IFT43: variants seen among roughly 807,000 people sequenced by gnomAD.
IFT43 encodes the protein intraflagellar transport 43.
IFT43 carries 33 observed loss-of-function variants against 32.3 expected under a neutral mutation model. That is an observed-to-expected ratio of 1.02 (90% CI 0.77 to 1.37). The LOEUF (loss-of-function observed/expected upper bound fraction) is 1.37. IFT43 is among the 40% of genes most tolerant of loss of function. The pLI is 0.00. For synonymous variants in IFT43, 93 were observed against 98.2 expected (o/e 0.95, Z 0.31); for missense variants, 274 against 265.9 (o/e 1.03, Z -0.21).
intron 3 of IFT43, among the ~76,000 whole-genome samples, chr14:76,032,350 T>C (rs1003875491): frequency 2.0e-5 from 3 of 152,214 alleles, no homozygotes; most frequent in African/African-American, 2.4e-5. Flanking sequence ...AGTGACTCTT[T>C]TAAAACATCA....
intron 3 of IFT43, among the ~76,000 whole-genome samples, chr14:76,034,955 A>G (rs1460074938): frequency 1.3e-5 from 2 of 152,370 alleles, no homozygotes; most frequent in South Asian, 2.1e-4. Context: ...GAGAAAGCCA[A>G]CTTGGTAAAG....
intron 5 of IFT43, 151 bp downstream of exon 5, chr14:76,059,524 T>G: frequency 1.3e-6 from 1 of 741,560 alleles, no homozygotes; most frequent in African/African-American, 1.7e-5. Flanking sequence ...CATGCCTTGC[T>G]GAATGCTGCC....
chr14:76,079,929 GA>G (rs922814586), intron 5 of IFT43, among the ~76,000 whole-genome samples: 27 of 151,934 alleles, frequency 1.8e-4, no homozygotes, highest in South Asian at 6.2e-4. Context: ...GTATACGTGA[GA>G]GTGGGGGAGT....
chr14:76,074,375 C>T (rs1404826323), intron 5 of IFT43, among the ~76,000 whole-genome samples: 2 of 152,156 alleles, frequency 1.3e-5, no homozygotes, highest in Non-Finnish European at 1.5e-5. Flanking sequence ...AAGCTGGGAC[C>T]TCCACGAGGC....
intron 2 of IFT43, among the ~76,000 whole-genome samples, chr14:76,003,736 A>T (rs889646536): frequency 6.6e-6 from 1 of 152,086 alleles, no homozygotes; most frequent in African/African-American, 2.4e-5. Context: ...ATATTTTAAA[A>T]CTATTTATAT....
At position 76,060,033 on chromosome 14, in the gene IFT43, A is replaced by G. The variant is rs78212763; in HGVS notation, c.295+660A>G. On this transcript the variant is annotated intron_variant, in intron 5 of 8. Coordinates refer to ENST00000314067, the MANE Select transcript of IFT43 (RefSeq NM_001102564.3). The stretch of plus-strand genomic sequence containing the variant: ...TCTTTGCATCTCCAGTGTGTGACGC[A>G]TAGTAGTTAGTTAATGGCTAGCTAT... Among the ~76,000 whole-genome samples the G allele has an allele frequency of 6.8e-4, 104 of 152,294 alleles. 2 individuals are homozygous for G. In the East Asian group the frequency reaches 0.015, roughly 21 times the overall value.
At chr14:76,021,046 G>A (rs1012643073) in intron 2 of IFT43, among the ~76,000 whole-genome samples, 3 of 152,032 alleles carry the variant, frequency 2.0e-5, no homozygotes, top group African/African-American at 7.3e-5. Flanking sequence ...AGGGCAGAAC[G>A]GTCCTTTAGA....
chr14:76,008,164 G>T (rs2036013518), intron 2 of IFT43, among the ~76,000 whole-genome samples: 1 of 152,148 alleles, frequency 6.6e-6, no homozygotes, highest in Non-Finnish European at 1.5e-5. Context: ...CTACAGAACT[G>T]TGGTTTCCTC....
intron 2 of IFT43, among the ~76,000 whole-genome samples, chr14:75,999,224 AT>A (rs1214019132): frequency 8.7e-6 from 1 of 115,032 alleles, no homozygotes; most frequent in Non-Finnish European, 1.7e-5. Flanking sequence ...ATATAAATTC[AT>A]TTTATATATA....
At chr14:76,060,984 C>T (rs1220477692) in intron 5 of IFT43, among the ~76,000 whole-genome samples, 1 of 151,978 alleles carries the variant, frequency 6.6e-6, no homozygotes, top group Non-Finnish European at 1.5e-5. Flanking sequence ...CCACTGCAAC[C>T]TCCACCTCCT....
rs1491345763 is a variant in IFT43 at position 75,988,994 on chromosome 14, AAG to A, written c.147+19_147+20del. The A allele has an allele frequency of 1.2e-6, 2 of 1,613,550 alleles. No individual in the cohort carries two copies. Among genetic ancestry groups the A allele is most frequent in the South Asian group, 1.1e-5 (1 of 91,088 alleles). Reference sequence around the variant, plus strand: ...ACTGGAGAGGTGGGTGCTAAAAAAAAAGAAAATCTGAAGAAATACTGTTTAAG... The same window carrying A: ...ACTGGAGAGGTGGGTGCTAAAAAAAAAAAATCTGAAGAAATACTGTTTAAG... On this transcript the variant is annotated intron_variant, in intron 2 of 8. Coordinates refer to ENST00000314067, the MANE Select transcript of IFT43 (RefSeq NM_001102564.3).
At chr14:76,060,031 G>C (rs375156822) in intron 5 of IFT43, among the ~76,000 whole-genome samples, 1 of 152,078 alleles carries the variant, frequency 6.6e-6, no homozygotes, top group Non-Finnish European at 1.5e-5. Context: ...AGTGTGTGAC[G>C]CATAGTAGTT....
intron 6 of IFT43, 24 bp from the exon 7 acceptor site, chr14:76,082,587 TTCCCGC>T: frequency 6.2e-7 from 1 of 1,614,030 alleles, no homozygotes; most frequent in Non-Finnish European, 8.5e-7. Flanking sequence ...CTGCCTGGGG[TTCCCGC>T]CTCTCGCTCT....
intron 3 of IFT43, among the ~76,000 whole-genome samples, chr14:76,044,847 G>A (rs756048666): frequency 6.6e-6 from 1 of 152,130 alleles, no homozygotes; most frequent in Non-Finnish European, 1.5e-5. Context: ...AAGGCCAACC[G>A]CTCCTCTTCC....
intron 2 of IFT43, among the ~76,000 whole-genome samples, chr14:76,013,329 C>T (rs1257753299): frequency 6.6e-6 from 1 of 152,232 alleles, no homozygotes; most frequent in African/African-American, 2.4e-5. Flanking sequence ...AATTTCTCAT[C>T]AGTCCAGGCA....
chr14:76,022,443 G>T lies in IFT43; in HGVS notation c.215+49G>T, dbSNP rs577664672. The T allele has an allele frequency of 4.6e-6, 5 of 1,085,288 alleles. No homozygotes were observed. In the South Asian group the frequency reaches 6.6e-5, roughly 14 times the overall value. 67.2% of individuals were successfully genotyped at this position (1,085,288 alleles called of 1,614,324 possible). On this transcript the variant is annotated intron_variant, in intron 3 of 8. Coordinates refer to ENST00000314067, the MANE Select transcript of IFT43 (RefSeq NM_001102564.3). ...GTATGGGTGGGGGTGCACACGGTTG[G>T]GGGGACTTTGCTCCTGTGTTGTTTT...
At chr14:76,049,886 C>T (rs1396997060) in intron 3 of IFT43, among the ~76,000 whole-genome samples, 1 of 152,048 alleles carries the variant, frequency 6.6e-6, no homozygotes, top group Non-Finnish European at 1.5e-5. Flanking sequence ...CCCTCCTGAT[C>T]CCTGATCAAT....
At chr14:76,036,498 A>G (rs1047884915) in intron 3 of IFT43, among the ~76,000 whole-genome samples, 30 of 143,964 alleles carry the variant, frequency 2.1e-4, no homozygotes, top group Admixed American at 1.1e-3. Flanking sequence ...TCCGCCACCC[A>G]GGTTCAAGCA....
At chr14:76,005,799 C>A (rs1298095877) in intron 2 of IFT43, among the ~76,000 whole-genome samples, 2 of 152,180 alleles carry the variant, frequency 1.3e-5, no homozygotes, top group African/African-American at 4.8e-5. Context: ...AGGATAAAAT[C>A]TCCTTCAGTT....
Sources: gnomAD v4.1 joint callset for allele counts (sites outside exome capture counted in the v4.1 genomes callset) on GRCh38, gnomAD v4.1.1 for gene constraint, MANE v1.5 for transcripts, NCBI Gene and HGNC (gene_info 2026-07-23, HGNC 2026-07-21) for gene names.